RBSN: variants seen among roughly 807,000 people sequenced by gnomAD.
RBSN encodes rabenosyn, RAB effector, also known as rabenosyn-5.
A neutral mutation model predicts 60.5 loss-of-function variants in RBSN; 34 were observed. The observed-to-expected ratio is 0.56, with a 90% CI of 0.43 to 0.75. The LOEUF is 0.75. Among genes scored for constraint, RBSN ranks in the 30% least tolerant of loss-of-function variants. RBSN has a pLI of 0.00. For synonymous variants in RBSN, 322 were observed against 366.9 expected, an observed-to-expected ratio of 0.88 and a Z score of 1.40; for missense variants, 845 against 986.8, an observed-to-expected ratio of 0.86 and a Z score of 1.92.
rs766749880 is a variant in RBSN, at chr3:15,082,639, A to AC, written c.599-32dup. The AC allele has an allele frequency of 6.5e-5, 105 of 1,607,278 alleles. No individual in the cohort carries two copies. The highest frequency in any genetic ancestry group is 3.5e-4 in the Middle Eastern group (2 of 5,688). ...ACCACAACACCAACAGGCAGCAATG[A>AC]CCCCCACAGCATCCAATTACCATAC... On this transcript the variant is annotated intron_variant, in intron 8 of 13. Transcript: ENST00000253699. This position sits in a 1 kb window ranked among gnomAD's most constrained non-coding sequence, Gnocchi z 4.2.
chr3:15,095,606 A>G (rs2043635106), intron 4 of RBSN: 2 of 400,470 alleles, frequency 5.0e-6, no homozygotes, highest in Non-Finnish European at 8.8e-6. Context: ...CCATCATCAT[A>G]GCAAAGGAAA....
intron 5 of RBSN, among the ~76,000 whole-genome samples, chr3:15,089,342 C>CAGT (rs1378357661): frequency 1.4e-5 from 2 of 145,400 alleles, no homozygotes; most frequent in Non-Finnish European, 3.0e-5. Context: ...TGGTGTGCAC[C>CAGT]AGTAGTCTTA....
chr3:15,091,570 AC>A, intron 4 of RBSN: 1 of 1,148,096 alleles, frequency 8.7e-7, no homozygotes, highest in Non-Finnish European at 1.1e-6. Context: ...CATCGTATGT[AC>A]CAGGTACAAC....
Position 15,088,992 on chromosome 3 carries a change from C to T in RBSN, c.289+1407G>A, listed in dbSNP as rs972318936. Among the ~76,000 whole-genome samples the T allele has an allele frequency of 7.9e-5, 12 of 152,208 alleles. No homozygotes were observed. The South Asian group carries it at 1.9e-3, about 24-fold the overall frequency. On this transcript the variant is annotated intron_variant, in intron 5 of 13. Coordinates refer to ENST00000253699, the MANE Select transcript of RBSN (RefSeq NM_022340.4). The stretch of plus-strand genomic sequence containing the variant: ...GCTTTCCTTCTTGGAGCTCCAGTTT[C>T]CTCATCCATAAATGGGAAAAAGGAC...
At position 15,082,639 on chromosome 3, in the gene RBSN, AC is replaced by A. The variant is rs766749880; in HGVS notation, c.599-32del. The A allele has an allele frequency of 6.2e-7, 1 of 1,607,396 alleles. No individual in the cohort carries two copies. The highest frequency in any genetic ancestry group is 8.5e-7 in the Non-Finnish European group (1 of 1,175,910). ...ACCACAACACCAACAGGCAGCAATG[AC>A]CCCCACAGCATCCAATTACCATACC... On this transcript the variant is annotated intron_variant, in intron 8 of 13. Coordinates refer to ENST00000253699, the MANE Select transcript of RBSN (RefSeq NM_022340.4). The surrounding 1 kb of genome is among the most constrained non-coding windows in gnomAD (Gnocchi z 4.2).
At chr3:15,086,091 CAAAAAAAA>C (rs60131546) in intron 5 of RBSN, 130 bp from the exon 6 acceptor site, 7 of 94,810 alleles carry the variant, frequency 7.4e-5, no homozygotes, top group Admixed American at 2.7e-4. Flanking sequence ...CGTCTCTCTC[CAAAAAAAA>C]AAAAAAAAAA....
chr3:15,074,089 T>C lies in RBSN; in HGVS notation c.2048A>G (p.Asp683Gly). The change falls in exon 14 of 14, where the codon GAC becomes GGC. Residue 683 changes from aspartate (D) to glycine (G), a missense_variant. Coordinates refer to ENST00000253699, the MANE Select transcript of RBSN (RefSeq NM_022340.4). This position sits in a 1 kb window ranked among gnomAD's most constrained non-coding sequence, Gnocchi z 6.4. ...ACTGAAGGGGTTAGGAGCTGGGCTG[T>C]CTGGCTGAATGAATGGATTCCCTGC... is the stretch of plus-strand genomic sequence containing the variant. ...AVAGNPFIQP[D>G]SPAPNPFSEE... 6.2e-7 allele frequency: 1 copy of C among 1,614,000 alleles called. No homozygotes were observed. Among genetic ancestry groups the C allele is most frequent in the African/African-American group, 1.3e-5 (1 of 74,984 alleles).
rs1318666850 is a variant in RBSN, at chr3:15,082,111, CA to C, written c.840+255del. 6.6e-6 allele frequency among the ~76,000 whole-genome samples: 1 copy of C among 152,114 alleles called. No individual in the cohort carries two copies. The highest frequency in any genetic ancestry group is 1.9e-4 in the East Asian group (1 of 5,190). On this transcript the variant is annotated intron_variant, in intron 9 of 13. Transcript: ENST00000253699. The surrounding 1 kb of genome is among the most constrained non-coding windows in gnomAD (Gnocchi z 4.2). ...GCCCTTCCTCCTATTGCCTCTGGGC[CA>C]CCAAAGCTTCCACCCACCTGCTTTC...
Position 15,084,708 on chromosome 3 carries a change from C to G in RBSN, c.598+27G>C. 6.4e-7 allele frequency: 1 copy of G among 1,560,798 alleles called. No individual in the cohort carries two copies. Among genetic ancestry groups the G allele is most frequent in the Non-Finnish European group, 8.7e-7 (1 of 1,155,154 alleles). On this transcript the variant is annotated intron_variant, in intron 8 of 13. Coordinates refer to ENST00000253699, the MANE Select transcript of RBSN (RefSeq NM_022340.4). The surrounding 1 kb of genome is among the most constrained non-coding windows in gnomAD (Gnocchi z 4.2). Reference sequence around the variant, plus strand: ...GCTAGGCCCAAAAGAAGATGAGGGTCCAGGGCCCCACCTCCAAGTCACCTA... The same window carrying G: ...GCTAGGCCCAAAAGAAGATGAGGGTGCAGGGCCCCACCTCCAAGTCACCTA...
rs545026399 is a variant in RBSN at position 15,093,555 on chromosome 3, C to T, written c.148+2418G>A. Among the ~76,000 whole-genome samples the T allele has an allele frequency of 2.0e-5, 3 of 152,242 alleles. No individual in the cohort carries two copies. In the South Asian group the frequency reaches 6.2e-4, roughly 32 times the overall value. On this transcript the variant is annotated intron_variant, in intron 4 of 13. Coordinates refer to ENST00000253699, the MANE Select transcript of RBSN (RefSeq NM_022340.4). Reference sequence around the variant, plus strand: ...TACGAGTGCGTGCCACTATGACTGGCTAATTTTTTTAAATGATTTTTTTGT... The same window carrying T: ...TACGAGTGCGTGCCACTATGACTGGTTAATTTTTTTAAATGATTTTTTTGT...
intron 4 of RBSN, among the ~76,000 whole-genome samples, chr3:15,093,473 C>T (rs1465494314): frequency 6.6e-6 from 1 of 152,170 alleles, no homozygotes; most frequent in Non-Finnish European, 1.5e-5. Flanking sequence ...AATGTAACAG[C>T]CTTGATCTCC....
In RBSN at chr3:15,082,676, A is replaced by C; in HGVS notation, c.599-68T>G. Reference sequence around the variant, plus strand: ...TCCAATTACCATACCCACGACCTCAAGGTGTCAGTCCACAGGTGTTTGATT... The same window carrying C: ...TCCAATTACCATACCCACGACCTCACGGTGTCAGTCCACAGGTGTTTGATT... On this transcript the variant is annotated intron_variant, in intron 8 of 13. Transcript: ENST00000253699. This position sits in a 1 kb window ranked among gnomAD's most constrained non-coding sequence, Gnocchi z 4.2. The C allele has an allele frequency of 6.4e-7, 1 of 1,565,838 alleles. No individual in the cohort carries two copies. Among genetic ancestry groups the C allele is most frequent in the Non-Finnish European group, 8.7e-7 (1 of 1,153,090 alleles).
Position 15,074,596 on chromosome 3 carries a change from T to G in RBSN, c.1541A>C (p.Glu514Ala). 6.2e-7 allele frequency: 1 copy of G among 1,614,236 alleles called. No homozygotes were observed. Among genetic ancestry groups the G allele is most frequent in the African/African-American group, 1.3e-5 (1 of 75,052 alleles). Residue 514 changes from glutamate (E) to alanine (A), a missense_variant, in exon 14 of 14, where the codon GAG (glutamate) becomes GCG (alanine). Transcript: ENST00000253699. The surrounding 1 kb of genome is among the most constrained non-coding windows in gnomAD (Gnocchi z 6.4). The stretch of plus-strand genomic sequence containing the variant: ...CAGCTGTTCCCGCTGCAGGTCCTCC[T>G]CCTCAGCCTGCCTCCGGGACAGCTC... ...AIELSRRQAE[E>A]EDLQREQLQM...
At chr3:15,089,184 A>AGGC (rs1351781826) in intron 5 of RBSN, among the ~76,000 whole-genome samples, 1 of 152,202 alleles carries the variant, frequency 6.6e-6, no homozygotes, top group Admixed American at 6.5e-5. Context: ...AAGGATATGT[A>AGGC]GGCAGGCGTA....
chr3:15,096,092 A>T lies in RBSN; in HGVS notation c.29T>A (p.Val10Glu), dbSNP rs1337673998. The T allele has an allele frequency of 6.2e-7, 1 of 1,607,146 alleles. No individual in the cohort carries two copies. Among genetic ancestry groups the T allele is most frequent in the Non-Finnish European group, 8.5e-7 (1 of 1,176,262 alleles). MASLDDPGE[V>E]REGFLCPLCL... Reference sequence around the variant, plus strand: ...CAGAGGGCAGAGGAAGCCCTCCCTCACTTCCCCTGGGTCGTCCAGAGAAGC... The same window carrying T: ...CAGAGGGCAGAGGAAGCCCTCCCTCTCTTCCCCTGGGTCGTCCAGAGAAGC... Residue 10 changes from valine (V) to glutamate (E), a missense_variant, in exon 4 of 14, where the codon GTG (valine) becomes GAG (glutamate). Coordinates refer to ENST00000253699, the MANE Select transcript of RBSN (RefSeq NM_022340.4).
intron 5 of RBSN, among the ~76,000 whole-genome samples, chr3:15,086,438 A>T (rs544233375): frequency 1.9e-4 from 29 of 152,306 alleles, no homozygotes; most frequent in African/African-American, 7.0e-4. Context: ...AAGAGCATGG[A>T]CTCTGGAGTC....
In RBSN at chr3:15,084,259, C is replaced by T. The variant is rs906326384; in HGVS notation, c.598+476G>A. Among the ~76,000 whole-genome samples the T allele has an allele frequency of 2.0e-5, 3 of 152,192 alleles. No individual in the cohort carries two copies. Among genetic ancestry groups the T allele is most frequent in the Admixed American group, 6.5e-5 (1 of 15,278 alleles). The stretch of plus-strand genomic sequence containing the variant: ...TCAGCCTCCTGAGTAGCTAGGACTA[C>T]AGGCACATGCCACCACGCCAGGCTA... On this transcript the variant is annotated intron_variant, in intron 8 of 13. Transcript: ENST00000253699. The surrounding 1 kb of genome is among the most constrained non-coding windows in gnomAD (Gnocchi z 4.2).
rs1362320188 is a variant in RBSN at position 15,071,147 on chromosome 3, A to G, written c.*2635T>C. ...CCAGGCCTTTAAAAATAGTTTTTAA[A>G]AATGTTTCTTGTGTGTTTTTCAATG... On this transcript the variant is annotated 3_prime_UTR_variant, in exon 14 of 14. Transcript: ENST00000253699. 6.6e-6 allele frequency: 1 copy of G among 152,218 alleles called. No homozygotes were observed. Among genetic ancestry groups the G allele is most frequent in the African/African-American group, 2.4e-5 (1 of 41,464 alleles). 9.4% of individuals were successfully genotyped at this position (152,218 alleles called of 1,614,324 possible).
At position 15,074,472 on chromosome 3, in the gene RBSN, G is replaced by A. The variant is rs2042998114; in HGVS notation, c.1665C>T (p.Gly555=). Residue 555 remains glycine (G), a synonymous_variant, in exon 14 of 14, where the codon GGC becomes GGT. Transcript: ENST00000253699. This position sits in a 1 kb window ranked among gnomAD's most constrained non-coding sequence, Gnocchi z 6.4. ...CTCTGCTGGGCTCCAGCTGAAAAGG[G>A]CCGATTTCTCTGAAGTCCAGGGACC... ...RTRSLDFREI[G]PFQLEPSREP... 1 of 1,614,218 alleles carries A rather than the reference G, an allele frequency of 6.2e-7. No homozygotes were observed. Among genetic ancestry groups the A allele is most frequent in the East Asian group, 2.2e-5 (1 of 44,878 alleles).
Sources: gnomAD v4.1 joint callset for allele counts (sites outside exome capture counted in the v4.1 genomes callset) on GRCh38, gnomAD v4.1.1 for gene constraint, Gnocchi (gnomAD v3.1) non-coding constraint, MANE v1.5 for transcripts, NCBI Gene and HGNC (gene_info 2026-07-23, HGNC 2026-07-21) for gene names.